The following CAPN10 variants were observed in gnomAD, a reference collection of about 807,000 sequenced individuals.
CAPN10 encodes the protein calpain-10.
Under a neutral mutation model 78.4 loss-of-function variants are expected in CAPN10, and 71 were observed. That is an observed-to-expected ratio of 0.91 (90% CI 0.75 to 1.10). The LOEUF is 1.10. Ranked by LOEUF, CAPN10 falls within the 50% of genes least tolerant of loss-of-function variation. CAPN10 has a pLI of 0.00. For missense variants in CAPN10, 849 were observed against 924.6 expected (o/e 0.92, Z 1.06); for synonymous variants, 437 against 407.2 (o/e 1.07, Z -0.88).
chr2:240,587,776 G>A (rs1258413981), intron 1 of CAPN10, among the ~76,000 whole-genome samples: 1 of 152,230 alleles, frequency 6.6e-6, no homozygotes, highest in East Asian at 1.9e-4. Context: ...ACCATGTAGA[G>A]CCTTGTCATT....
chr2:240,597,853 C>T, intron 9 of CAPN10, 35 bp from the exon 10 acceptor site: 3 of 1,546,412 alleles, frequency 1.9e-6, no homozygotes, highest in Non-Finnish European at 2.6e-6. Context: ...TACCCCAAGG[C>T]TGGCCCCCTC....
chr2:240,594,888 T>C, intron 6 of CAPN10, 136 bp from the exon 7 acceptor site: 1 of 1,099,856 alleles, frequency 9.1e-7, no homozygotes, highest in Non-Finnish European at 1.3e-6. Flanking sequence ...GGGAGGAGGG[T>C]GGGCTTGTGG....
chr2:240,596,877 ACT>A lies in CAPN10; in HGVS notation c.1681_1682del (p.Leu561AlafsTer8), dbSNP rs2093140620. 1 of 1,612,954 alleles carries A rather than the reference ACT, an allele frequency of 6.2e-7. No homozygotes were observed. The highest frequency in any genetic ancestry group is 1.7e-5 in the Admixed American group (1 of 59,978). On this transcript the variant is annotated frameshift_variant, in exon 9 of 12. Transcript: ENST00000391984. LOFTEE classifies it high-confidence loss of function. ...CCCTGGCCCCCGCTGCGTCCGCATC[ACT>A]CTGCATCAGCACTGCCGGCCCAGTG... Reference protein sequence around the residue: ...EGPGPRCVRITLHQHCRPSDT... With the variant: ...EGPGPRCVRIXLHQHCRPSDT...
rs1340273824 is a variant in CAPN10, at chr2:240,590,912, C to G, written c.371C>G (p.Thr124Arg). ...WQFGRWVEVT[T>R]DDRLPCLAGR... Reference sequence around the variant, plus strand: ...TTTGGACGCTGGGTGGAGGTGACCACAGATGACCGCCTGCCGTGCCTTGCA... The same window carrying G: ...TTTGGACGCTGGGTGGAGGTGACCAGAGATGACCGCCTGCCGTGCCTTGCA... Residue 124 changes from threonine (T) to arginine (R), a missense_variant, in exon 3 of 12, where the codon ACA becomes AGA. Physicochemically the swap from Thr to Arg is moderately conservative, Grantham distance 71 (BLOSUM62 -1). Transcript: ENST00000391984. The G allele has an allele frequency of 6.2e-7, 1 of 1,614,230 alleles. No individual in the cohort carries two copies. Among genetic ancestry groups the G allele is most frequent in the South Asian group, 1.1e-5 (1 of 91,090 alleles).
In CAPN10 at chr2:240,596,902, G is replaced by A; in HGVS notation, c.1703G>A (p.Ser568Asn). 6.2e-7 allele frequency: 1 copy of A among 1,613,522 alleles called. No homozygotes were observed. Among genetic ancestry groups the A allele is most frequent in the Non-Finnish European group, 8.5e-7 (1 of 1,180,018 alleles). ...ACTCTGCATCAGCACTGCCGGCCCA[G>A]TGACACCGAGTTCCACCCCATCGGC... Reference protein sequence around the residue: ...RITLHQHCRPSDTEFHPIGFH... With the variant: ...RITLHQHCRPNDTEFHPIGFH... Residue 568 changes from serine to asparagine, a missense_variant, in exon 9 of 12, where the codon AGT (serine) becomes AAT (asparagine). Ser to Asn is a conservative substitution (Grantham distance 46, BLOSUM62 1). Coordinates refer to ENST00000391984, the MANE Select transcript of CAPN10 (RefSeq NM_023083.4).
At chr2:240,596,245 C>T in intron 7 of CAPN10, 74 bp from the exon 8 acceptor site, 2 of 1,510,510 alleles carry the variant, frequency 1.3e-6, no homozygotes, top group African/African-American at 2.8e-5. Flanking sequence ...CTTGTGCTTG[C>T]AGCAGGGAGG....
rs568398039 is a variant in CAPN10 at position 240,590,762 on chromosome 2, G to A, written c.274-53G>A. On this transcript the variant is annotated intron_variant, in intron 2 of 11. Coordinates refer to ENST00000391984, the MANE Select transcript of CAPN10 (RefSeq NM_023083.4). ...ACCGCGGCCGGGACACTGGAGTAGC[G>A]CCGGGTGGTGCTTATATCACGCTCG... is the stretch of plus-strand genomic sequence containing the variant. The A allele has an allele frequency of 5.8e-5, 90 of 1,554,942 alleles. 1 individual carries two copies. The highest frequency in any genetic ancestry group is 1.4e-4 in the South Asian group (12 of 86,776).
intron 1 of CAPN10, among the ~76,000 whole-genome samples, chr2:240,588,489 G>A (rs539794850): frequency 2.0e-3 from 308 of 152,350 alleles, no homozygotes; most frequent in Non-Finnish European, 3.4e-3. Context: ...CGGCCTCACA[G>A]AAGCTGAGTG....
rs2093072130 is a variant in CAPN10, at chr2:240,586,982, C to T, written c.71C>T (p.Ser24Phe). ...FRDAAFPAAD[S>F]SLFCDLSTPL... ...GACGCCGCCTTCCCCGCCGCGGACT[C>T]CTCGCTCTTCTGCGACTTGTCTACG... Residue 24 changes from serine to phenylalanine, a missense_variant, in exon 1 of 12, where the codon TCC (serine) becomes TTC (phenylalanine). Physicochemically the swap from Ser to Phe is radical, Grantham distance 155. Transcript: ENST00000391984. 1 of 1,485,900 alleles carries T rather than the reference C, an allele frequency of 6.7e-7. No individual in the cohort carries two copies. The highest frequency in any genetic ancestry group is 8.9e-7 in the Non-Finnish European group (1 of 1,117,678). The allele number at this position is 1,485,900 out of a possible 1,614,324, so 92.0% of individuals were successfully genotyped here.
intron 1 of CAPN10, 70 bp downstream of exon 1, chr2:240,587,122 G>A (rs1055538942): frequency 2.0e-6 from 2 of 1,017,164 alleles, no homozygotes; most frequent in Non-Finnish European, 2.6e-6. Context: ...CAGGGAGCGG[G>A]GCGGGGTGGG....
Position 240,586,804 on chromosome 2 carries a change from G to C in CAPN10, c.-108G>C, listed in dbSNP as rs2093070492. On this transcript the variant is annotated 5_prime_UTR_variant, in exon 1 of 12. Transcript: ENST00000391984. ...CCTCGGGCTTGGAGGGCTGGGCCGGGCGGGGAACGGGCGGGGCGGGCCGGA... is the reference window on the plus strand; with the variant it reads ...CCTCGGGCTTGGAGGGCTGGGCCGGCCGGGGAACGGGCGGGGCGGGCCGGA... 1 of 1,143,386 alleles carries C rather than the reference G, an allele frequency of 8.7e-7. No homozygotes were observed. The highest frequency in any genetic ancestry group is 1.1e-6 in the Non-Finnish European group (1 of 888,912). The allele number at this position is 1,143,386 out of a possible 1,614,324, so 70.8% of individuals were successfully genotyped here. A position where few individuals can be genotyped will look rare whatever the true frequency, so the allele number is the denominator to read the frequency against.
chr2:240,594,283 C>T (rs1416162657), intron 5 of CAPN10: 2 of 576,654 alleles, frequency 3.5e-6, no homozygotes, highest in African/African-American at 1.9e-5. Flanking sequence ...ATCACGGGCT[C>T]GGGCAGCAGT....
At position 240,590,795 on chromosome 2, in the gene CAPN10, C is replaced by T. The variant is rs1011756783; in HGVS notation, c.274-20C>T. The T allele has an allele frequency of 8.7e-6, 14 of 1,610,888 alleles. No homozygotes were observed. Among genetic ancestry groups the T allele is most frequent in the Non-Finnish European group, 1.2e-5 (14 of 1,177,666 alleles). On this transcript the variant is annotated intron_variant, in intron 2 of 11. Transcript: ENST00000391984. ...GTGCTTATATCACGCTCGCCTTTTG[C>T]TTCTCCCTGTGCATGGCAGGTCATT...
rs756668839 is a variant in CAPN10 at position 240,596,483 on chromosome 2, C to T, written c.1443C>T (p.Phe481=). The change falls in exon 8 of 12, where the codon TTC becomes TTT. Residue 481 remains phenylalanine (F), a synonymous_variant. Transcript: ENST00000391984. ...TCCTGAAGGACGCGCCAGGGGAGTT[C>T]CTGCTCCGAGTCTTCTCTACCGGGC... ...STFLKDAPGE[F]LLRVFSTGRV... The T allele has an allele frequency of 8.7e-6, 14 of 1,612,066 alleles. No homozygotes were observed. The highest frequency in any genetic ancestry group is 5.0e-5 in the Admixed American group (3 of 59,942).
intron 9 of CAPN10, 31 bp from the exon 10 acceptor site, chr2:240,597,857 C>T: frequency 1.9e-6 from 3 of 1,550,688 alleles, no homozygotes; most frequent in Non-Finnish European, 2.6e-6. Flanking sequence ...CCAAGGCTGG[C>T]CCCCTCAGTC....
chr2:240,595,978 G>T, intron 7 of CAPN10: 1 of 1,388,994 alleles, frequency 7.2e-7, no homozygotes, highest in African/African-American at 1.4e-5. Context: ...CTTCATGGAT[G>T]TGGCCCACAT....
intron 2 of CAPN10, 62 bp downstream of exon 2, chr2:240,589,536 G>T: frequency 6.5e-7 from 1 of 1,546,448 alleles, no homozygotes; most frequent in Non-Finnish European, 8.7e-7. Context: ...TCTCCAGCCT[G>T]CTGAGTACCA....
At chr2:240,597,795 T>C (rs1253811250) in intron 9 of CAPN10, 93 bp from the exon 10 acceptor site, 5 of 1,145,482 alleles carry the variant, frequency 4.4e-6, no homozygotes, top group Non-Finnish European at 6.2e-6. Flanking sequence ...TGTATGTGAC[T>C]CAAGAGGGCC....
At chr2:240,591,268 T>A (rs192546652) in intron 3 of CAPN10, 24 of 477,164 alleles carry the variant, frequency 5.0e-5, no homozygotes, top group Admixed American at 4.4e-4. Context: ...ACAGAGAACA[T>A]GTGTGCCGTC....
Sources: allele counts gnomAD v4.1 joint callset (sites outside exome capture counted in the v4.1 genomes callset), GRCh38; gene constraint gnomAD v4.1.1; transcripts MANE v1.5; gene names NCBI Gene and HGNC (gene_info 2026-07-23, HGNC 2026-07-21).